The following VWDE variants were observed in gnomAD, a reference collection of about 807,000 sequenced individuals.
The protein encoded by VWDE is von Willebrand factor D and EGF domain-containing protein.
VWDE carries 207 observed loss-of-function variants against 178.4 expected under a neutral mutation model. The ratio of observed to expected loss-of-function variants is 1.16; its 90% CI spans 1.04 to 1.30. VWDE has a LOEUF of 1.30. Ranked by LOEUF, VWDE falls within the 50% of genes most tolerant of loss-of-function variation. The pLI is 0.00. For synonymous variants in VWDE, 738 were observed against 651.4 expected (o/e 1.13, Z -2.02); for missense variants, 2,287 against 1,901.3 (o/e 1.20, Z -3.77).
intron 27 of VWDE, among the ~76,000 whole-genome samples, chr7:12,334,257 G>A (rs551443579): frequency 6.0e-4 from 91 of 152,150 alleles, no homozygotes; most frequent in African/African-American, 2.1e-3. Context: ...TTTATATTAT[G>A]GAACTTAATA....
chr7:12,332,115 CT>C (rs1780756586), intron 28 of VWDE, among the ~76,000 whole-genome samples: 1 of 151,794 alleles, frequency 6.6e-6, no homozygotes, highest in Admixed American at 6.6e-5. Flanking sequence ...ATGGTGATTG[CT>C]TTTTTCCCCA....
rs550158835 is a variant in VWDE, at chr7:12,342,512, G to A, written c.4175-358C>T. On this transcript the variant is annotated intron_variant, in intron 22 of 28. Transcript: ENST00000275358. ...TTGAATTCCTGTTTTCTCAAAGAAA[G>A]ACCATGAATAGCATCATATCTTAGT... Among the ~76,000 whole-genome samples, 6 of 152,166 alleles carry A rather than the reference G, an allele frequency of 3.9e-5. No homozygotes were observed. The South Asian group carries it at 1.2e-3, about 32-fold the overall frequency.
At chr7:12,384,148 C>T (rs1261594665) in intron 3 of VWDE, among the ~76,000 whole-genome samples, 2 of 152,080 alleles carry the variant, frequency 1.3e-5, no homozygotes, top group Non-Finnish European at 2.9e-5. Flanking sequence ...TACATATAGA[C>T]AGCATGGAAT....
In VWDE at chr7:12,389,255, C is replaced by T. The variant is rs142939903; in HGVS notation, c.347G>A (p.Trp116Ter). 6.1e-5 allele frequency: 94 copies of T among 1,551,654 alleles called. 1 individual carries two copies. In the South Asian group the frequency reaches 1.0e-3, roughly 17 times the overall value. ...TTTTGTAGTGCTGAACAAAAACTGC[C>T]ATGTTGCACAAGCTGTCAATTGCTT... is the stretch of plus-strand genomic sequence containing the variant. Reference protein sequence around the residue: ...EIKQLTACATWQFLFSTTKDC... With the variant: ...EIKQLTACAT The change falls in exon 3 of 29, where the codon TGG (tryptophan) becomes TAG (stop). Residue 116 changes from tryptophan to a stop codon, truncating the protein, a stop_gained. Transcript: ENST00000275358. LOFTEE classifies it high-confidence loss of function.
In VWDE at chr7:12,357,477, A is replaced by T. The variant is rs375657783; in HGVS notation, c.3313T>A (p.Leu1105Ile). ...PPVIQALQDK[L>I]QTFYGENFEY... ...AAGTTTTCACCATAAAATGTCTGTAATTTGTCTTGCAATGCTTGAATCACT... is the reference window on the plus strand; with the variant it reads ...AAGTTTTCACCATAAAATGTCTGTATTTTGTCTTGCAATGCTTGAATCACT... The change falls in exon 17 of 29, where the codon TTA becomes ATA. Residue 1105 changes from leucine (L) to isoleucine (I), a missense_variant. Coordinates refer to ENST00000275358, the MANE Select transcript of VWDE (RefSeq NM_001135924.3). 3 of 1,552,136 alleles carry T rather than the reference A, an allele frequency of 1.9e-6. No individual in the cohort carries two copies. Among genetic ancestry groups the T allele is most frequent in the Non-Finnish European group, 2.6e-6 (3 of 1,147,122 alleles).
chr7:12,331,444 A>G (rs570067609), intron 28 of VWDE, among the ~76,000 whole-genome samples: 66 of 152,280 alleles, frequency 4.3e-4, no homozygotes, highest in Non-Finnish European at 8.7e-4. Context: ...GTTACACTTT[A>G]GAAACATCCA....
At chr7:12,333,961 G>A (rs1780874304) in intron 27 of VWDE, among the ~76,000 whole-genome samples, 1 of 151,840 alleles carries the variant, frequency 6.6e-6, no homozygotes, top group Non-Finnish European at 1.5e-5. Flanking sequence ...ACCCAGTACT[G>A]GCTAGTGTAT....
chr7:12,358,640 T>C (rs566245668), intron 16 of VWDE, among the ~76,000 whole-genome samples: 2 of 152,258 alleles, frequency 1.3e-5, no homozygotes, highest in East Asian at 3.9e-4. Context: ...GCAGCCTAAC[T>C]TATTGATCTT....
chr7:12,376,331 T>C (rs2128557240), intron 7 of VWDE, among the ~76,000 whole-genome samples: 1 of 152,178 alleles, frequency 6.6e-6, no homozygotes, highest in South Asian at 2.1e-4. Context: ...AGTAAAGATT[T>C]AATGCTACTG....
intron 19 of VWDE, among the ~76,000 whole-genome samples, chr7:12,347,805 A>G (rs556024842): frequency 0.015 from 2,316 of 152,084 alleles, 63 homozygotes; most frequent in African/African-American, 0.054. Flanking sequence ...GAGGCATCAC[A>G]CTACCTGACT....
chr7:12,351,558 A>G lies in VWDE; in HGVS notation c.3886+15T>C. 6.5e-7 allele frequency: 1 copy of G among 1,536,934 alleles called. No homozygotes were observed. Among genetic ancestry groups the G allele is most frequent in the Non-Finnish European group, 8.8e-7 (1 of 1,142,438 alleles). On this transcript the variant is annotated intron_variant, in intron 19 of 28. Transcript: ENST00000275358. ...AATTACTTGTCATTAGATTTTAACT[A>G]TGACCATTACTTACTGAAGGCATTT... is the stretch of plus-strand genomic sequence containing the variant.
At chr7:12,364,197 G>A (rs762814795) in intron 13 of VWDE, among the ~76,000 whole-genome samples, 7 of 151,694 alleles carry the variant, frequency 4.6e-5, no homozygotes, top group African/African-American at 1.7e-4. Flanking sequence ...TAGATAAACC[G>A]ATAGATAGGT....
At chr7:12,332,407 T>A (rs114118277) in intron 28 of VWDE, among the ~76,000 whole-genome samples, 1 of 151,666 alleles carries the variant, frequency 6.6e-6, no homozygotes, top group Non-Finnish European at 1.5e-5. Context: ...TGATTTGCTA[T>A]TGATCATATG....
intron 13 of VWDE, among the ~76,000 whole-genome samples, chr7:12,365,017 G>C (rs1782783950): frequency 6.6e-6 from 1 of 151,988 alleles, no homozygotes; most frequent in Non-Finnish European, 1.5e-5. Context: ...AAAATAACTG[G>C]CCAGTGCTCT....
chr7:12,362,772 G>C lies in VWDE; in HGVS notation c.2899-1251C>G, dbSNP rs531478182. ...GATTTGATGATTGAAAGAGTGAGCT[G>C]CAAATCTCCATATTTAAGGGAGTAT... On this transcript the variant is annotated intron_variant, in intron 13 of 28. Coordinates refer to ENST00000275358, the MANE Select transcript of VWDE (RefSeq NM_001135924.3). 1.6e-4 allele frequency among the ~76,000 whole-genome samples: 25 copies of C among 152,166 alleles called. No homozygotes were observed. In the South Asian group the frequency reaches 5.2e-3, roughly 32 times the overall value.
chr7:12,391,324 T>C (rs1285879976), intron 2 of VWDE, among the ~76,000 whole-genome samples: 2 of 152,120 alleles, frequency 1.3e-5, no homozygotes, highest in Non-Finnish European at 2.9e-5. Flanking sequence ...TGTATTAACC[T>C]GTAGAGAAAA....
intron 1 of VWDE, among the ~76,000 whole-genome samples, chr7:12,402,451 GAACTTAA>G (rs1433584347): frequency 6.6e-6 from 1 of 152,130 alleles, no homozygotes; most frequent in Non-Finnish European, 1.5e-5. Context: ...CCAATGTTAT[GAACTTAA>G]AACCTGGTAA....
Position 12,356,123 on chromosome 7 carries a change from G to A in VWDE, c.3733C>T (p.Pro1245Ser), listed in dbSNP as rs1340257508. 7 of 1,551,090 alleles carry A rather than the reference G, an allele frequency of 4.5e-6. No homozygotes were observed. The highest frequency in any genetic ancestry group is 2.4e-5 in the South Asian group (2 of 84,034). Reference protein sequence around the residue: ...GFHSYSCDCPPELKVETQFVN... With the variant: ...GFHSYSCDCPSELKVETQFVN... ...AGCAAAATCTTACCTTTGAGCTCAG[G>A]TGGACAATCACAGGAATAACTGTGA... Residue 1245 changes from proline to serine, a missense_variant, in exon 18 of 29, where the codon CCT becomes TCT. By Grantham distance (74) the Pro-to-Ser change is moderately conservative (BLOSUM62 -1). Coordinates refer to ENST00000275358, the MANE Select transcript of VWDE (RefSeq NM_001135924.3).
chr7:12,343,041 A>T, intron 22 of VWDE, 42 bp downstream of exon 22: 1 of 1,425,074 alleles, frequency 7.0e-7, no homozygotes, highest in Non-Finnish European at 9.6e-7. Context: ...CTATTCAAAG[A>T]AGCAGTTTCA....
Sources: allele counts gnomAD v4.1 joint callset (sites outside exome capture counted in the v4.1 genomes callset), GRCh38; gene constraint gnomAD v4.1.1; transcripts MANE v1.5; gene names NCBI Gene and HGNC (gene_info 2026-07-23, HGNC 2026-07-21).